OTOA: variants seen among roughly 807,000 people sequenced by gnomAD.
OTOA encodes otoancorin.
In OTOA, 70 loss-of-function variants were observed where a neutral mutation model predicts 110.8. That is an observed-to-expected ratio of 0.63 (90% CI 0.52 to 0.77). The LOEUF (loss-of-function observed/expected upper bound fraction) is 0.77. Among genes scored for constraint, OTOA ranks in the 30% least tolerant of loss-of-function variants. OTOA has a pLI of 0.00. For synonymous variants in OTOA, 373 were observed against 431.5 expected, an observed-to-expected ratio of 0.86 and a Z score of 1.68; for missense variants, 917 against 1,075.8, an observed-to-expected ratio of 0.85 and a Z score of 2.06.
intron 14 of OTOA, 107 bp downstream of exon 14, chr16:21,715,259 T>G: frequency 1.4e-6 from 2 of 1,476,294 alleles, no homozygotes; most frequent in Non-Finnish European, 1.9e-6. Context: ...TGGGATTGTC[T>G]CAGCTGTTGG....
intron 6 of OTOA, chr16:21,684,382 T>G (rs1298523873): frequency 1.4e-5 from 20 of 1,431,510 alleles, no homozygotes; most frequent in Non-Finnish European, 1.8e-5. Flanking sequence ...GAGAGGCTGA[T>G]GGCTTCTGCT....
chr16:21,758,780 C>A (rs2141770009), intron 28 of OTOA, among the ~76,000 whole-genome samples: 1 of 151,520 alleles, frequency 6.6e-6, no homozygotes, highest in South Asian at 2.1e-4. Flanking sequence ...GTGGGCGGAT[C>A]ACCTGAGGTC....
intron 11 of OTOA, among the ~76,000 whole-genome samples, chr16:21,703,791 A>C (rs1898099963): frequency 6.6e-6 from 1 of 152,146 alleles, no homozygotes; most frequent in Non-Finnish European, 1.5e-5. Flanking sequence ...TTCTAACTCT[A>C]AGAGCATTCA....
chr16:21,703,458 C>T (rs1305146073), intron 11 of OTOA, among the ~76,000 whole-genome samples: 1 of 152,096 alleles, frequency 6.6e-6, no homozygotes, highest in Non-Finnish European at 1.5e-5. Flanking sequence ...GAATTTCCTT[C>T]TTTTTCAAAG....
Position 21,692,927 on chromosome 16 carries a change from C to CAAAA in OTOA, c.739+1255_739+1258dup, listed in dbSNP as rs34170544. On this transcript the variant is annotated intron_variant, in intron 9 of 28. Coordinates refer to ENST00000646100, the MANE Select transcript of OTOA (RefSeq NM_144672.4). ...TGGGTGACAGAGTGAGACTCTGTCT[C>CAAAA]AAAAAAAAAAAAAAAAAAGAAAGAA... Among the ~76,000 whole-genome samples, 239 of 96,828 alleles carry CAAAA rather than the reference C, an allele frequency of 2.5e-3. 3 individuals carry two copies. Among genetic ancestry groups the CAAAA allele is most frequent in the South Asian group, 3.1e-3 (8 of 2,554 alleles). 63.5% of individuals were successfully genotyped at this position (96,828 alleles called of 152,430 possible).
chr16:21,732,517 C>T (rs1318914581), intron 21 of OTOA, among the ~76,000 whole-genome samples: 2 of 151,986 alleles, frequency 1.3e-5, no homozygotes, highest in African/African-American at 4.8e-5. Flanking sequence ...CCCCAAAGCC[C>T]ATTGTATCAT....
Position 21,726,628 on chromosome 16 carries a change from T to C in OTOA, c.1986T>C (p.Thr662=). 1.2e-6 allele frequency: 2 copies of C among 1,613,960 alleles called. No individual in the cohort carries two copies. The highest frequency in any genetic ancestry group is 1.7e-6 in the Non-Finnish European group (2 of 1,180,000). The change falls in exon 19 of 29, where the codon ACT becomes ACC. Residue 662 remains threonine (T), a synonymous_variant. Coordinates refer to ENST00000646100, the MANE Select transcript of OTOA (RefSeq NM_144672.4). ...DSLVLDSHKK[T]SVLRKVQQCL... is the part of the protein sequence containing the mutation. ...TGGTTTTAGATTCCCACAAAAAGAC[T>C]TCAGTCCTCAGGAAAGTGCAGCAGT...
intron 18 of OTOA, among the ~76,000 whole-genome samples, chr16:21,725,459 T>C (rs1211651022): frequency 6.6e-6 from 1 of 151,982 alleles, no homozygotes; most frequent in Non-Finnish European, 1.5e-5. Flanking sequence ...GCTAATTTTT[T>C]GAATTTTTGG....
chr16:21,719,565 G>A (rs1898665872), intron 17 of OTOA, 61 bp downstream of exon 17: 2 of 1,451,150 alleles, frequency 1.4e-6, no homozygotes, highest in Non-Finnish European at 1.9e-6. Flanking sequence ...ACTGGGCCTG[G>A]ATTGGCTGTG....
At chr16:21,697,112 C>T (rs1022917526) in intron 9 of OTOA, among the ~76,000 whole-genome samples, 5 of 136,920 alleles carry the variant, frequency 3.7e-5, no homozygotes, top group Non-Finnish European at 7.7e-5. Context: ...AAACTCCTGG[C>T]CTCAAGCAAT....
At chr16:21,683,083 T>C (rs1365830970) in intron 6 of OTOA, among the ~76,000 whole-genome samples, 1 of 152,238 alleles carries the variant, frequency 6.6e-6, no homozygotes, top group Non-Finnish European at 1.5e-5. Context: ...ATTTAATATC[T>C]ACTGAGTTAA....
rs1372821723 is a variant in OTOA, at chr16:21,760,396, G to C, written c.3350-74G>C. ...GTGGCCCCAGAGAGAGACTCGGGGA[G>C]TTGGACATCATGTGTCTACCTTCTG... On this transcript the variant is annotated intron_variant, in intron 28 of 28. Transcript: ENST00000646100. 2.1e-5 allele frequency: 26 copies of C among 1,233,086 alleles called. No individual in the cohort carries two copies. In the Admixed American group the frequency reaches 4.5e-4, roughly 21 times the overall value. 76.4% of individuals were successfully genotyped at this position (1,233,086 alleles called of 1,614,324 possible).
chr16:21,678,500 A>G lies in OTOA; in HGVS notation c.-4-11A>G. ...AAACATGAATCACTTCTATGCTTAAATTAACTACAGGAGAATGTCTCAGGA... is the reference window on the plus strand; with the variant it reads ...AAACATGAATCACTTCTATGCTTAAGTTAACTACAGGAGAATGTCTCAGGA... On this transcript the variant is annotated splice_polypyrimidine_tract_variant and intron_variant, in intron 1 of 28. Transcript: ENST00000646100. The G allele has an allele frequency of 1.2e-6, 2 of 1,600,778 alleles. No individual in the cohort carries two copies. Among genetic ancestry groups the G allele is most frequent in the East Asian group, 2.2e-5 (1 of 44,664 alleles).
chr16:21,679,176 C>T lies in OTOA; in HGVS notation c.152-8C>T, dbSNP rs781448216. The T allele has an allele frequency of 2.5e-6, 4 of 1,613,722 alleles. No individual in the cohort carries two copies. The South Asian group carries it at 4.4e-5, about 18-fold the overall frequency. Reference sequence around the variant, plus strand: ...TAAAGATGTCTTTTCATTTTACTCCCATTGTAGCACTGCTGGATCTCATAC... The same window carrying T: ...TAAAGATGTCTTTTCATTTTACTCCTATTGTAGCACTGCTGGATCTCATAC... On this transcript the variant is annotated splice_region_variant and splice_polypyrimidine_tract_variant and intron_variant, in intron 4 of 28. Transcript: ENST00000646100.
chr16:21,729,531 A>G (rs1230764851), intron 20 of OTOA: 1 of 152,180 alleles, frequency 6.6e-6, no homozygotes, highest in East Asian at 1.9e-4. Context: ...TCCATAGTCC[A>G]TATTTTACAT....
intron 7 of OTOA, among the ~76,000 whole-genome samples, chr16:21,687,153 C>A (rs1440488927): frequency 1.3e-5 from 2 of 152,168 alleles, no homozygotes; most frequent in African/African-American, 4.8e-5. Context: ...AGGAAAGATG[C>A]AGAATTCCAG....
chr16:21,670,861 C>G (rs1301706154), intron 1 of OTOA, among the ~76,000 whole-genome samples: 1 of 152,024 alleles, frequency 6.6e-6, no homozygotes, highest in Non-Finnish European at 1.5e-5. Context: ...TTGATCTTAG[C>G]CGGGCAAAGA....
intron 17 of OTOA, among the ~76,000 whole-genome samples, 190 bp downstream of exon 17, chr16:21,719,694 G>A (rs1315944298): frequency 1.3e-5 from 2 of 152,072 alleles, no homozygotes. Flanking sequence ...CATCACTACA[G>A]CCAAAGAATC....
chr16:21,715,107 T>A lies in OTOA; in HGVS notation c.1443T>A (p.Tyr481Ter), dbSNP rs760895064. Residue 481 changes from tyrosine to a stop codon, truncating the protein, a stop_gained, in exon 14 of 29, where the codon TAT becomes TAA. Transcript: ENST00000646100. LOFTEE classifies it high-confidence loss of function. ...TCCTGAGAAGTGCCGTCTCCCAGTA[T>A]GTATCCGACTTGTCACCTGCCCAGC... ...SQVLRSAVSQ[Y>*]VSDLSPAQQQ... 6.2e-7 allele frequency: 1 copy of A among 1,614,194 alleles called. No individual in the cohort carries two copies.
Sources: gnomAD v4.1 joint callset for allele counts (sites outside exome capture counted in the v4.1 genomes callset) on GRCh38, gnomAD v4.1.1 for gene constraint, MANE v1.5 for transcripts, NCBI Gene and HGNC (gene_info 2026-07-23, HGNC 2026-07-21) for gene names.